The following TMEM144 variants were observed in gnomAD, a reference collection of about 807,000 sequenced individuals.
TMEM144 encodes transmembrane protein 144.
In TMEM144, 39 loss-of-function variants were observed where a neutral mutation model predicts 43.6. That is an observed-to-expected ratio of 0.90 (90% CI 0.69 to 1.17). TMEM144 has a LOEUF of 1.17. TMEM144 is among the 50% of genes most tolerant of loss of function. The probability of loss-of-function intolerance (pLI) is 0.00; values close to 1 mark genes in which losing one functional copy is unlikely to be tolerated. For synonymous variants in TMEM144, 154 were observed against 133.6 expected, an observed-to-expected ratio of 1.15 and a Z score of -1.06; for missense variants, 417 against 411.9, an observed-to-expected ratio of 1.01 and a Z score of -0.11.
chr4:158,218,927 G>T (rs1412127865), intron 5 of TMEM144, among the ~76,000 whole-genome samples: 2 of 152,038 alleles, frequency 1.3e-5, no homozygotes, highest in Non-Finnish European at 2.9e-5. Context: ...AGGAATTCAA[G>T]ACCAGTGAAA....
rs1734410470 is a variant in TMEM144, at chr4:158,219,552, G to A, written c.413+162G>A. Among the ~76,000 whole-genome samples, 3 of 152,154 alleles carry A rather than the reference G, an allele frequency of 2.0e-5. No individual in the cohort carries two copies. The South Asian group carries it at 6.2e-4, about 32-fold the overall frequency. On this transcript the variant is annotated intron_variant, in intron 6 of 12. Transcript: ENST00000296529. ...AATGACTGGTTTTAGAGGACAAAAA[G>A]TGCCAGATTTGGGGGCAGGGGCAGC...
chr4:158,224,446 T>C (rs747903001), intron 6 of TMEM144, among the ~76,000 whole-genome samples: 32 of 152,290 alleles, frequency 2.1e-4, no homozygotes, highest in Middle Eastern at 3.4e-3. Context: ...TTAATCTTAT[T>C]TTAAAAACTG....
chr4:158,246,903 A>C (rs1349152271), intron 12 of TMEM144, among the ~76,000 whole-genome samples: 7 of 152,102 alleles, frequency 4.6e-5, no homozygotes, highest in Admixed American at 2.0e-4. Flanking sequence ...TACTGAATTG[A>C]AAATCCTCTT....
intron 4 of TMEM144, among the ~76,000 whole-genome samples, chr4:158,216,479 C>T (rs899602818): frequency 6.6e-6 from 1 of 152,172 alleles, no homozygotes; most frequent in African/African-American, 2.4e-5. Flanking sequence ...CATGAACATC[C>T]CGATGTTTCT....
At position 158,253,832 on chromosome 4, in the gene TMEM144, C is replaced by G. The variant is rs1244431744; in HGVS notation, c.*305C>G. 6.1e-6 allele frequency: 2 copies of G among 329,792 alleles called. No individual in the cohort carries two copies. The highest frequency in any genetic ancestry group is 1.1e-5 in the Non-Finnish European group (2 of 174,616). 20.4% of individuals were successfully genotyped at this position (329,792 alleles called of 1,614,324 possible). A position where few individuals can be genotyped will look rare whatever the true frequency, so the allele number is the denominator to read the frequency against. ...ATGCTCTTTTTACCACAGTATGTAC[C>G]TAGTGTTGCATAATCTAGAACACAG... On this transcript the variant is annotated 3_prime_UTR_variant, in exon 13 of 13. Coordinates refer to ENST00000296529, the MANE Select transcript of TMEM144 (RefSeq NM_018342.5).
At chr4:158,242,244 G>A (rs113077797) in intron 11 of TMEM144, among the ~76,000 whole-genome samples, 429 of 152,206 alleles carry the variant, frequency 2.8e-3, no homozygotes, top group African/African-American at 9.9e-3. Flanking sequence ...TACCTTGTGC[G>A]CTTGGTGCTT....
Position 158,241,612 on chromosome 4 carries a change from T to A in TMEM144, c.900+6T>A. The A allele has an allele frequency of 1.9e-6, 3 of 1,611,544 alleles. No individual in the cohort carries two copies. The highest frequency in any genetic ancestry group is 2.5e-6 in the Non-Finnish European group (3 of 1,177,944). ...GTTTTCCAATAATCACTGCTGTAAG[T>A]AGCTGAACTGGTTTTCCTAATTTTC... On this transcript the variant is annotated splice_donor_region_variant and intron_variant, in intron 11 of 12. Transcript: ENST00000296529.
intron 12 of TMEM144, among the ~76,000 whole-genome samples, chr4:158,248,995 C>T (rs1435765542): frequency 2.6e-5 from 4 of 152,112 alleles, no homozygotes; most frequent in African/African-American, 9.7e-5. Context: ...CAAACTCCAC[C>T]TCCTGGGTTC....
chr4:158,211,169 G>T (rs1007411327), intron 1 of TMEM144: 2 of 152,200 alleles, frequency 1.3e-5, no homozygotes, highest in African/African-American at 4.8e-5. Context: ...TACAAGAGCT[G>T]CATGCAATAA....
At chr4:158,249,185 G>A (rs1365185173) in intron 12 of TMEM144, among the ~76,000 whole-genome samples, 1 of 152,140 alleles carries the variant, frequency 6.6e-6, no homozygotes, top group Non-Finnish European at 1.5e-5. Flanking sequence ...GATTACAGGC[G>A]TGAGCCACCG....
At chr4:158,248,145 A>C (rs1192843805) in intron 12 of TMEM144, among the ~76,000 whole-genome samples, 1 of 146,116 alleles carries the variant, frequency 6.8e-6, no homozygotes. Context: ...AAAAAAAAAA[A>C]CCTGGGGCCA....
At chr4:158,231,861 T>C (rs112179796) in intron 6 of TMEM144, among the ~76,000 whole-genome samples, 9 of 152,250 alleles carry the variant, frequency 5.9e-5, no homozygotes, top group African/African-American at 1.9e-4. Flanking sequence ...TGGAAAGGAA[T>C]ATGAAACTAT....
chr4:158,254,055 G>C lies in TMEM144; in HGVS notation c.*528G>C, dbSNP rs1452312030. ...ATGTTAAAAAGGCCATTTTATTATT[G>C]TTAGCCAAAACTTCTGTTTATTTCA... On this transcript the variant is annotated 3_prime_UTR_variant, in exon 13 of 13. Coordinates refer to ENST00000296529, the MANE Select transcript of TMEM144 (RefSeq NM_018342.5). 6.6e-6 allele frequency: 1 copy of C among 152,158 alleles called. No homozygotes were observed. The highest frequency in any genetic ancestry group is 2.4e-5 in the African/African-American group (1 of 41,418). 9.4% of individuals were successfully genotyped at this position (152,158 alleles called of 1,614,324 possible). A position where few individuals can be genotyped will look rare whatever the true frequency, so the allele number is the denominator to read the frequency against.
In TMEM144 at chr4:158,219,500, T is replaced by C. The variant is rs145976661; in HGVS notation, c.413+110T>C. The C allele has an allele frequency of 1.0e-4, 110 of 1,053,752 alleles. 1 individual carries two copies. In the African/African-American group the frequency reaches 1.6e-3, roughly 16 times the overall value. The allele number at this position is 1,053,752 out of a possible 1,614,324, so 65.3% of individuals were successfully genotyped here. A position where few individuals can be genotyped will look rare whatever the true frequency, so the allele number is the denominator to read the frequency against. ...AAACCTACATTTCGTAAAATCCACA[T>C]GCTTGTTCCTCAGATTCTTCATTTA... On this transcript the variant is annotated intron_variant, in intron 6 of 12. Coordinates refer to ENST00000296529, the MANE Select transcript of TMEM144 (RefSeq NM_018342.5).
chr4:158,233,037 A>T (rs1234347287), intron 7 of TMEM144, 55 bp downstream of exon 7: 2 of 1,331,854 alleles, frequency 1.5e-6, no homozygotes, highest in Admixed American at 2.1e-5. Context: ...AGATAAATGG[A>T]TAATACATAA....
chr4:158,244,250 C>G (rs761135148), intron 11 of TMEM144, 46 bp from the exon 12 acceptor site: 1 of 1,377,606 alleles, frequency 7.3e-7, no homozygotes. Flanking sequence ...AGAATCTAGT[C>G]ATAGGTAAAT....
intron 12 of TMEM144, among the ~76,000 whole-genome samples, chr4:158,249,525 T>TTAG (rs1276499573): frequency 2.0e-5 from 3 of 152,212 alleles, no homozygotes; most frequent in African/African-American, 7.2e-5. Context: ...CCAACTATAA[T>TTAG]TAGTCTTTTT....
At chr4:158,226,208 A>G (rs1734758559) in intron 6 of TMEM144, among the ~76,000 whole-genome samples, 1 of 152,238 alleles carries the variant, frequency 6.6e-6, no homozygotes, top group Admixed American at 6.5e-5. Context: ...TATACCAGAT[A>G]AGCTAAATTT....
chr4:158,242,824 A>G (rs1278845407), intron 11 of TMEM144, among the ~76,000 whole-genome samples: 1 of 152,204 alleles, frequency 6.6e-6, no homozygotes, highest in African/African-American at 2.4e-5. Context: ...AACTTACATT[A>G]GTTTACAAAA....
Sources: allele counts gnomAD v4.1 joint callset (sites outside exome capture counted in the v4.1 genomes callset), GRCh38; gene constraint gnomAD v4.1.1; transcripts MANE v1.5; gene names NCBI Gene and HGNC (gene_info 2026-07-23, HGNC 2026-07-21).